Variants in PTPRD observed in about 807,000 individuals in gnomAD.
PTPRD encodes the protein protein tyrosine phosphatase receptor type D.
A neutral mutation model predicts 214.5 loss-of-function variants in PTPRD; 34 were observed. That is an observed-to-expected ratio of 0.16 (90% CI 0.12 to 0.21). PTPRD has a LOEUF of 0.21. Among genes scored for constraint, PTPRD ranks in the 10% least tolerant of loss-of-function variants. PTPRD has a pLI of 1.00. For synonymous variants in PTPRD, 1,128 were observed against 845.7 expected (o/e 1.33, Z -5.79); for missense variants, 2,545 against 2,398.7 (o/e 1.06, Z -1.27).
intron 10 of PTPRD, among the ~76,000 whole-genome samples, chr9:9,122,488 T>C (rs887718534): frequency 6.6e-6 from 1 of 152,186 alleles, no homozygotes; most frequent in Non-Finnish European, 1.5e-5. Flanking sequence ...GGCATTGCTC[T>C]ATTTTTTTCC....
intron 14 of PTPRD, among the ~76,000 whole-genome samples, chr9:8,627,610 T>A (rs921079150): frequency 6.6e-6 from 1 of 151,894 alleles, no homozygotes; most frequent in East Asian, 1.9e-4. Flanking sequence ...TTTTTAGACA[T>A]GATCTCAGTG....
chr9:9,927,117 C>A (rs533232402), intron 5 of PTPRD, among the ~76,000 whole-genome samples: 6 of 152,018 alleles, frequency 3.9e-5, no homozygotes, highest in African/African-American at 1.4e-4. Context: ...TTGTAATAAC[C>A]ATTATATACT....
intron 2 of PTPRD, among the ~76,000 whole-genome samples, chr9:10,454,429 G>T (rs531447984): frequency 1.3e-5 from 2 of 151,532 alleles, no homozygotes; most frequent in African/African-American, 4.8e-5. Context: ...TTAAAAAACT[G>T]AAATTGATTA....
chr9:9,834,779 G>A (rs1385293820), intron 5 of PTPRD, among the ~76,000 whole-genome samples: 6 of 151,894 alleles, frequency 4.0e-5, no homozygotes, highest in Non-Finnish European at 7.4e-5. Flanking sequence ...TTGTCCATTT[G>A]GGTTAGTGAA....
rs575374761 is a variant in PTPRD at position 8,495,880 on chromosome 9, T to C, written c.2349+1362A>G. ...ATTCAGTGAATGGAAGAATACCGTC[T>C]TGCCAGCCTTTAACTCATTTTTCTT... On this transcript the variant is annotated intron_variant, in intron 26 of 45. Transcript: ENST00000381196. 7.9e-5 allele frequency among the ~76,000 whole-genome samples: 12 copies of C among 152,342 alleles called. No homozygotes were observed. In the South Asian group the frequency reaches 2.3e-3, roughly 29 times the overall value.
intron 3 of PTPRD, among the ~76,000 whole-genome samples, chr9:10,159,885 G>A (rs773938059): frequency 4.6e-5 from 7 of 152,090 alleles, no homozygotes; most frequent in East Asian, 1.9e-4. Flanking sequence ...GGCAGAATCC[G>A]AGAATTATTG....
chr9:9,611,078 T>C (rs907402407), intron 7 of PTPRD, among the ~76,000 whole-genome samples: 1 of 152,200 alleles, frequency 6.6e-6, no homozygotes, highest in Admixed American at 6.5e-5. Flanking sequence ...GTAAACATCG[T>C]CCTCTATCAT....
chr9:10,428,131 A>G (rs2098641461), intron 2 of PTPRD, among the ~76,000 whole-genome samples: 1 of 152,014 alleles, frequency 6.6e-6, no homozygotes, highest in Admixed American at 6.6e-5. Context: ...CCTGGCCAAC[A>G]TGGTGAAACC....
At chr9:8,649,743 TAG>T (rs1250484919) in intron 12 of PTPRD, among the ~76,000 whole-genome samples, 3 of 152,232 alleles carry the variant, frequency 2.0e-5, no homozygotes, top group African/African-American at 7.2e-5. Flanking sequence ...AATTATAGAA[TAG>T]AGTTTTACAA....
intron 2 of PTPRD, among the ~76,000 whole-genome samples, chr9:10,541,673 A>G (rs1334004757): frequency 6.6e-6 from 1 of 152,002 alleles, no homozygotes; most frequent in Non-Finnish European, 1.5e-5. Context: ...AATTTTAAAT[A>G]AACATATCAC....
intron 5 of PTPRD, among the ~76,000 whole-genome samples, chr9:9,853,008 C>A (rs1305664917): frequency 6.6e-6 from 1 of 152,156 alleles, no homozygotes; most frequent in Non-Finnish European, 1.5e-5. Flanking sequence ...ACCCTTATAG[C>A]ATCATGTACA....
At chr9:10,512,261 T>A (rs1243898809) in intron 2 of PTPRD, among the ~76,000 whole-genome samples, 1 of 151,744 alleles carries the variant, frequency 6.6e-6, no homozygotes, top group African/African-American at 2.4e-5. Context: ...GAGTAAGTAA[T>A]GAAATGTCAC....
At chr9:9,209,672 T>C (rs2132725855) in intron 9 of PTPRD, among the ~76,000 whole-genome samples, 1 of 152,190 alleles carries the variant, frequency 6.6e-6, no homozygotes, top group South Asian at 2.1e-4. Context: ...TGTTCATGAG[T>C]TGATTATTGT....
chr9:10,195,224 A>G (rs551954140), intron 3 of PTPRD, among the ~76,000 whole-genome samples: 9 of 150,536 alleles, frequency 6.0e-5, no homozygotes, highest in Admixed American at 4.0e-4. Flanking sequence ...GGAATATTGT[A>G]CAATGCCAGG....
At chr9:10,593,053 T>C (rs952200545) in intron 2 of PTPRD, among the ~76,000 whole-genome samples, 1 of 151,994 alleles carries the variant, frequency 6.6e-6, no homozygotes, top group African/African-American at 2.4e-5. Flanking sequence ...TGCGGCATCA[T>C]TCTTGAAGTC....
At chr9:10,420,313 G>C (rs1469817927) in intron 2 of PTPRD, among the ~76,000 whole-genome samples, 2 of 151,718 alleles carry the variant, frequency 1.3e-5, no homozygotes, top group African/African-American at 2.4e-5. Flanking sequence ...CTTGTCCTTT[G>C]ACATCTTTAC....
At chr9:9,815,574 A>G (rs1032181464) in intron 5 of PTPRD, among the ~76,000 whole-genome samples, 1 of 152,156 alleles carries the variant, frequency 6.6e-6, no homozygotes, top group African/African-American at 2.4e-5. Context: ...AAATGTAAAG[A>G]AATCCTACAG....
Position 8,537,114 on chromosome 9 carries a change from A to G in PTPRD, c.353-8335T>C, listed in dbSNP as rs150888607. On this transcript the variant is annotated intron_variant, in intron 14 of 45. Coordinates refer to ENST00000381196, the MANE Select transcript of PTPRD (RefSeq NM_002839.4). The stretch of plus-strand genomic sequence containing the variant: ...GTATAATTTGTACTGTGTTGACATC[A>G]TGACCATTATTATTCAAAGTCAATT... 9.9e-5 allele frequency among the ~76,000 whole-genome samples: 15 copies of G among 152,130 alleles called. No homozygotes were observed. The East Asian group carries it at 2.9e-3, about 29-fold the overall frequency.
intron 7 of PTPRD, among the ~76,000 whole-genome samples, chr9:9,618,403 A>C (rs187342384): frequency 3.9e-5 from 6 of 152,044 alleles, no homozygotes; most frequent in Admixed American, 1.3e-4. Flanking sequence ...AAAAACAATA[A>C]TATAGTGCTT....
Sources: allele counts gnomAD v4.1 joint callset (sites outside exome capture counted in the v4.1 genomes callset), GRCh38; gene constraint gnomAD v4.1.1; transcripts MANE v1.5; gene names NCBI Gene and HGNC (gene_info 2026-07-23, HGNC 2026-07-21).